The following PLAGL1 variants were observed in gnomAD, a reference collection of about 807,000 sequenced individuals.
PLAGL1 encodes the protein PLAG1 like zinc finger 1.
In PLAGL1, 1 loss-of-function variant was observed where a neutral mutation model predicts 4.6. The ratio of observed to expected loss-of-function variants is 0.22; its 90% confidence interval spans 0.08 to 1.03. The LOEUF (loss-of-function observed/expected upper bound fraction) is 1.03, where lower values mean the gene tolerates loss of function less well. Among genes scored for constraint, PLAGL1 ranks in the 50% least tolerant of loss-of-function variants. The pLI, the probability that PLAGL1 is intolerant of heterozygous loss-of-function variation, is 0.58. For missense variants in PLAGL1, 464 were observed against 570.4 expected (o/e 0.81, Z 1.90); for synonymous variants, 240 against 237.8 (o/e 1.01, Z -0.08).
rs1044799198 is a variant in PLAGL1 at position 144,061,041 on chromosome 6, T to A, written c.-151+3427A>T. Among the ~76,000 whole-genome samples the A allele has an allele frequency of 1.3e-5, 2 of 152,226 alleles. No individual in the cohort carries two copies. Among genetic ancestry groups the A allele is most frequent in the Non-Finnish European group, 2.9e-5 (2 of 68,036 alleles). On this transcript the variant is annotated intron_variant, in intron 1 of 3. Coordinates refer to the PLAGL1 transcript ENST00000437412. This position sits in a 1 kb window ranked among gnomAD's most constrained non-coding sequence, Gnocchi z 4.4. ...GCCCCCAAAAGGAGACCTCCACTTA[T>A]AAGCCTCAGAAAGAAAAATGTAATT...
In PLAGL1 at chr6:144,053,489, T is replaced by C. The variant is rs1295166384; in HGVS notation, c.-151+10979A>G. On this transcript the variant is annotated intron_variant, in intron 1 of 3. Coordinates refer to the PLAGL1 transcript ENST00000437412. This position sits in a 1 kb window ranked among gnomAD's most constrained non-coding sequence, Gnocchi z 4.0. ...TCAAGTATAACATCTTGCTACCACC[T>C]ATGAGGGATACAAAAGGTCCCAGTG... Among the ~76,000 whole-genome samples the C allele has an allele frequency of 1.3e-5, 2 of 152,206 alleles. No homozygotes were observed. Among genetic ancestry groups the C allele is most frequent in the Non-Finnish European group, 2.9e-5 (2 of 68,036 alleles).
At position 143,954,264 on chromosome 6, in the gene PLAGL1, T is replaced by C. The variant is rs528941598; in HGVS notation, c.-324-5804A>G. Among the ~76,000 whole-genome samples, 34 of 151,856 alleles carry C rather than the reference T, an allele frequency of 2.2e-4. No individual in the cohort carries two copies. The highest frequency in any genetic ancestry group is 8.2e-4 in the African/African-American group (34 of 41,372). Reference sequence around the variant, plus strand: ...CCAGAAATCAGAGGAAGGCACTTAATAGGGAAAACTGACACAAAAAGTAAC... The same window carrying C: ...CCAGAAATCAGAGGAAGGCACTTAACAGGGAAAACTGACACAAAAAGTAAC... On this transcript the variant is annotated intron_variant, in intron 6 of 7. Coordinates refer to ENST00000674357, the MANE Select transcript of PLAGL1 (RefSeq NM_001317162.2). This position sits in a 1 kb window ranked among gnomAD's most constrained non-coding sequence, Gnocchi z 5.1.
chr6:144,030,819 T>A (rs1382962376), intron 1 of PLAGL1, among the ~76,000 whole-genome samples: 1 of 152,256 alleles, frequency 6.6e-6, no homozygotes, highest in African/African-American at 2.4e-5. Flanking sequence ...AGTATCTTTA[T>A]CGTATAATGA....
intron 6 of PLAGL1, among the ~76,000 whole-genome samples, chr6:143,956,842 C>T (rs1407325850): frequency 1.3e-5 from 2 of 152,226 alleles, no homozygotes; most frequent in African/African-American, 4.8e-5. Flanking sequence ...AGATGCTGAA[C>T]TACCAAGGGG....
upstream of PLAGL1, among the ~76,000 whole-genome samples, chr6:144,011,634 C>T (rs1255345362): frequency 1.3e-5 from 2 of 152,120 alleles, no homozygotes. The surrounding 1 kb of genome is among the most constrained non-coding windows in gnomAD (Gnocchi z 4.3). Flanking sequence ...GCTGCTTTTT[C>T]AGGGCTGAAT....
chr6:144,059,430 C>T lies in PLAGL1; in HGVS notation c.-151+5038G>A, dbSNP rs191942025. On this transcript the variant is annotated intron_variant, in intron 1 of 3. Coordinates refer to the PLAGL1 transcript ENST00000437412. This position sits in a 1 kb window ranked among gnomAD's most constrained non-coding sequence, Gnocchi z 4.9. ...CCACCAACTGGGCAGGATTCAGGGG[C>T]CTTTGTGTCTGTTAACAAAGCATCA... 5.3e-5 allele frequency among the ~76,000 whole-genome samples: 8 copies of T among 152,186 alleles called. No individual in the cohort carries two copies. Among genetic ancestry groups the T allele is most frequent in the African/African-American group, 7.2e-5 (3 of 41,436 alleles).
At position 143,982,602 on chromosome 6, in the gene PLAGL1, C is replaced by G. The variant is rs182151892; in HGVS notation, c.-544+2533G>C. On this transcript the variant is annotated intron_variant, in intron 2 of 7. Transcript: ENST00000674357. This position sits in a 1 kb window ranked among gnomAD's most constrained non-coding sequence, Gnocchi z 5.3. ...ACCAGGGAGACCAGTTAGAAGGCTA[C>G]TCTTATAAAGAGATGATGAAGGCGT... Among the ~76,000 whole-genome samples the G allele has an allele frequency of 1.3e-5, 2 of 152,260 alleles. No individual in the cohort carries two copies. The highest frequency in any genetic ancestry group is 3.9e-4 in the East Asian group (2 of 5,176).
At position 144,039,831 on chromosome 6, in the gene PLAGL1, C is replaced by G. The variant is rs749281931; in HGVS notation, c.-151+24637G>C. On this transcript the variant is annotated intron_variant, in intron 1 of 3. Coordinates refer to the PLAGL1 transcript ENST00000437412. The surrounding 1 kb of genome is among the most constrained non-coding windows in gnomAD (Gnocchi z 4.1). Reference sequence around the variant, plus strand: ...GATATATCTGCAAGAATGTTCACAGCAAATCTCTTTGTAGTAGCAAAAGGC... The same window carrying G: ...GATATATCTGCAAGAATGTTCACAGGAAATCTCTTTGTAGTAGCAAAAGGC... Among the ~76,000 whole-genome samples, 4 of 152,066 alleles carry G rather than the reference C, an allele frequency of 2.6e-5. No homozygotes were observed. Among genetic ancestry groups the G allele is most frequent in the African/African-American group, 4.8e-5 (2 of 41,400 alleles).
chr6:144,009,577 A>T (rs1794980300), upstream of PLAGL1, among the ~76,000 whole-genome samples: 1 of 152,232 alleles, frequency 6.6e-6, no homozygotes, highest in African/African-American at 2.4e-5. Context: ...CAGGTTTGTT[A>T]CATAGGTATA....
rs1052593472 is a variant in PLAGL1 at position 143,994,972 on chromosome 6, G to A, written c.-583-9798C>T. Among the ~76,000 whole-genome samples the A allele has an allele frequency of 1.3e-5, 2 of 152,110 alleles. No homozygotes were observed. Among genetic ancestry groups the A allele is most frequent in the Non-Finnish European group, 2.9e-5 (2 of 68,020 alleles). Reference sequence around the variant, plus strand: ...CCTCTATCTTGTCATCATCTAATGGGAACAATTAAGAGACAATAAGATAGA... The same window carrying A: ...CCTCTATCTTGTCATCATCTAATGGAAACAATTAAGAGACAATAAGATAGA... On this transcript the variant is annotated intron_variant, in intron 1 of 7. Transcript: ENST00000674357. The surrounding 1 kb of genome is among the most constrained non-coding windows in gnomAD (Gnocchi z 4.3).
chr6:144,051,706 A>G (rs1207216875), intron 1 of PLAGL1, among the ~76,000 whole-genome samples: 2 of 152,256 alleles, frequency 1.3e-5, no homozygotes, highest in Non-Finnish European at 2.9e-5. Flanking sequence ...CAATCATGGT[A>G]GAAAACGAGG....
In PLAGL1 at chr6:143,994,509, C is replaced by A. The variant is rs1009887225; in HGVS notation, c.-583-9335G>T. 1.3e-5 allele frequency among the ~76,000 whole-genome samples: 2 copies of A among 152,168 alleles called. No homozygotes were observed. Among genetic ancestry groups the A allele is most frequent in the Non-Finnish European group, 2.9e-5 (2 of 68,028 alleles). ...AGTGCGGACAGATTTAACAAGGCAG[C>A]CCTACTTCACAGTAGCTCTTGAAAT... On this transcript the variant is annotated intron_variant, in intron 1 of 7. Coordinates refer to ENST00000674357, the MANE Select transcript of PLAGL1 (RefSeq NM_001317162.2). This position sits in a 1 kb window ranked among gnomAD's most constrained non-coding sequence, Gnocchi z 4.3.
chr6:144,042,581 A>T (rs369841995), intron 1 of PLAGL1, among the ~76,000 whole-genome samples: 1 of 152,048 alleles, frequency 6.6e-6, no homozygotes, highest in African/African-American at 2.4e-5. Flanking sequence ...CTGTAGCCTT[A>T]TAGTATAGTT....
intron 2 of PLAGL1, among the ~76,000 whole-genome samples, chr6:143,977,033 A>G (rs183544348): frequency 1.1e-3 from 174 of 152,046 alleles, no homozygotes; most frequent in African/African-American, 4.1e-3. Context: ...AGAGAAGTTT[A>G]TGTTCACAGC....
rs868734201 is a variant in PLAGL1, at chr6:143,989,522, C to T, written c.-583-4348G>A. Reference sequence around the variant, plus strand: ...CCTGCCTGAGCTGGGACATCAGTCTCCTCCTGTCCTTGGACTGGGATTTAT... The same window carrying T: ...CCTGCCTGAGCTGGGACATCAGTCTTCTCCTGTCCTTGGACTGGGATTTAT... On this transcript the variant is annotated intron_variant, in intron 1 of 7. Transcript: ENST00000674357. This position sits in a 1 kb window ranked among gnomAD's most constrained non-coding sequence, Gnocchi z 4.8. Among the ~76,000 whole-genome samples, 9 of 152,212 alleles carry T rather than the reference C, an allele frequency of 5.9e-5. No homozygotes were observed. Among genetic ancestry groups the T allele is most frequent in the South Asian group, 4.1e-4 (2 of 4,832 alleles).
At chr6:144,060,723 C>T (rs1169587227) in intron 1 of PLAGL1, among the ~76,000 whole-genome samples, 1 of 152,164 alleles carries the variant, frequency 6.6e-6, no homozygotes, top group Non-Finnish European at 1.5e-5. Context: ...TTCCAAATTA[C>T]CCATTACCAT....
intron 1 of PLAGL1, among the ~76,000 whole-genome samples, chr6:144,018,989 G>A (rs6941674): frequency 0.031 from 4,709 of 151,960 alleles, 241 homozygotes; most frequent in African/African-American, 0.11. Context: ...AGTTATGACC[G>A]CACCACTATA....
rs1034358250 is a variant in PLAGL1, at chr6:143,970,989, C to G, written c.-543-2011G>C. Among the ~76,000 whole-genome samples the G allele has an allele frequency of 6.6e-6, 1 of 152,172 alleles. No homozygotes were observed. Among genetic ancestry groups the G allele is most frequent in the Admixed American group, 6.5e-5 (1 of 15,282 alleles). On this transcript the variant is annotated intron_variant, in intron 2 of 7. Transcript: ENST00000674357. The surrounding 1 kb of genome is among the most constrained non-coding windows in gnomAD (Gnocchi z 5.8). ...GCAGTTTGATTTCCTACATTTCCCT[C>G]CACTCTCTGCCTCTCCCTACTTTGG...
chr6:143,946,572 C>A (rs1779845810), intron 7 of PLAGL1, among the ~76,000 whole-genome samples: 1 of 152,180 alleles, frequency 6.6e-6, no homozygotes, highest in African/African-American at 2.4e-5. Flanking sequence ...ATTTTTAAAA[C>A]CAACTTATTA....
Sources: gnomAD v4.1 joint callset for allele counts (sites outside exome capture counted in the v4.1 genomes callset) on GRCh38, gnomAD v4.1.1 for gene constraint, Gnocchi (gnomAD v3.1) non-coding constraint, MANE v1.5 for transcripts, NCBI Gene and HGNC (gene_info 2026-07-23, HGNC 2026-07-21) for gene names.